Variants in USP54 observed in about 807,000 individuals in gnomAD.
USP54 encodes ubiquitin carboxyl-terminal hydrolase 54.
USP54 carries 87 observed loss-of-function variants against 170.5 expected under a neutral mutation model. That is an observed-to-expected ratio of 0.51 (90% confidence interval 0.43 to 0.61). The LOEUF (loss-of-function observed/expected upper bound fraction) is 0.61. Ranked by LOEUF, USP54 falls within the 20% of genes least tolerant of loss-of-function variation. The pLI is 0.00. For synonymous variants in USP54, 655 were observed against 742.8 expected, an observed-to-expected ratio of 0.88 and a Z score of 1.92; for missense variants, 1,786 against 2,047.8, an observed-to-expected ratio of 0.87 and a Z score of 2.47.
Position 73,530,849 on chromosome 10 carries a change from G to C in USP54, c.1316-14C>G, listed in dbSNP as rs774491608. 2 of 1,613,612 alleles carry C rather than the reference G, an allele frequency of 1.2e-6. No homozygotes were observed. On this transcript the variant is annotated splice_polypyrimidine_tract_variant and intron_variant, in intron 12 of 23. Transcript: ENST00000687698. ...CAGTCAGGTGTCCTGAAAAAACAAG[G>C]AAATTGGGGTAAGCTGGTATCTGAG...
At position 73,534,719 on chromosome 10, in the gene USP54, C is replaced by A; in HGVS notation, c.1196G>T (p.Ser399Ile). 2 of 1,614,138 alleles carry A rather than the reference C, an allele frequency of 1.2e-6. No individual in the cohort carries two copies. The highest frequency in any genetic ancestry group is 2.2e-5 in the South Asian group (2 of 91,084). The change falls in exon 12 of 24, where the codon AGC (serine) becomes ATC (isoleucine). Residue 399 changes from serine (S) to isoleucine (I), a missense_variant. Around this residue, in one of 3 missense-constraint regions of USP54, gnomAD observed 1,418 missense variants for 1,569.0 expected, o/e 0.90. Transcript: ENST00000687698. ...SDTRTDSSTE[S>I]YPYKHSHHES... ...ATGGTGGGAATGTTTGTAGGGATAGCTCTCCGTTGAGGAATCTGTTCGAGT... is the reference window on the plus strand; with the variant it reads ...ATGGTGGGAATGTTTGTAGGGATAGATCTCCGTTGAGGAATCTGTTCGAGT...
intron 12 of USP54, among the ~76,000 whole-genome samples, chr10:73,532,556 A>T (rs2064251750): frequency 1.3e-5 from 2 of 152,208 alleles, no homozygotes; most frequent in Non-Finnish European, 2.9e-5. Flanking sequence ...AAATATGCTT[A>T]GTTTATCCTG....
chr10:73,545,678 G>A lies in USP54; in HGVS notation c.241-6C>T. On this transcript the variant is annotated splice_region_variant and splice_polypyrimidine_tract_variant and intron_variant, in intron 4 of 23. Coordinates refer to ENST00000687698, the MANE Select transcript of USP54 (RefSeq NM_001391956.1). ...TGAAACTGGTTAAAGATTCCCTATAGGGAAGAGGTTAGACAAGAGAAAAAG... is the reference window on the plus strand; with the variant it reads ...TGAAACTGGTTAAAGATTCCCTATAAGGAAGAGGTTAGACAAGAGAAAAAG... 6.2e-7 allele frequency: 1 copy of A among 1,613,846 alleles called. No homozygotes were observed. Among genetic ancestry groups the A allele is most frequent in the Non-Finnish European group, 8.5e-7 (1 of 1,179,810 alleles).
In USP54 at chr10:73,529,826, C is replaced by G; in HGVS notation, c.1914G>C (p.Trp638Cys). 1 of 1,608,566 alleles carries G rather than the reference C, an allele frequency of 6.2e-7. No homozygotes were observed. Among genetic ancestry groups the G allele is most frequent in the Non-Finnish European group, 8.5e-7 (1 of 1,176,986 alleles). Residue 638 changes from tryptophan (W) to cysteine (C), a missense_variant, in exon 15 of 24, where the codon TGG becomes TGC. Coordinates refer to ENST00000687698, the MANE Select transcript of USP54 (RefSeq NM_001391956.1). ...GGTGAGAGCCTGGCCGTGCTGGGCC[C>G]CAGCGCTTGTACTGGGGGCTTGGTC... ...FGGPSPQYKRWGPARPGSHLL... is the reference protein window; with the variant it reads ...FGGPSPQYKRCGPARPGSHLL...
At position 73,526,693 on chromosome 10, in the gene USP54, G is replaced by A. The variant is rs2062926669; in HGVS notation, c.2148C>T (p.Asp716=). 1.2e-6 allele frequency: 2 copies of A among 1,614,204 alleles called. No individual in the cohort carries two copies. Among genetic ancestry groups the A allele is most frequent in the East Asian group, 2.2e-5 (1 of 44,888 alleles). Residue 716 remains aspartate (D), a synonymous_variant, in exon 16 of 24, where the codon GAC becomes GAT. Coordinates refer to ENST00000687698, the MANE Select transcript of USP54 (RefSeq NM_001391956.1). ...TCCAGCCACCCATGGATGCTGTGGAGTCTACCTCCAGGATGCTACTGCTGT... is the reference window on the plus strand; with the variant it reads ...TCCAGCCACCCATGGATGCTGTGGAATCTACCTCCAGGATGCTACTGCTGT... ...KSHSSSILEV[D]STASMGGWTK...
upstream of USP54, among the ~76,000 whole-genome samples, chr10:73,592,840 C>G (rs1322124797): frequency 6.6e-6 from 1 of 152,206 alleles, no homozygotes; most frequent in African/African-American, 2.4e-5. Context: ...ATTGTAATCT[C>G]TCCAGAGGCC....
intron 4 of USP54, among the ~76,000 whole-genome samples, chr10:73,557,469 G>C (rs1322485187): frequency 6.7e-6 from 1 of 148,174 alleles, no homozygotes; most frequent in Non-Finnish European, 1.5e-5. Flanking sequence ...TATAGGTGCC[G>C]CCCACCACAC....
rs1248143548 is a variant in USP54, at chr10:73,575,885, C to T, written c.-105G>A. The T allele has an allele frequency of 1.5e-5, 6 of 409,178 alleles. No individual in the cohort carries two copies. The highest frequency in any genetic ancestry group is 2.1e-5 in the Non-Finnish European group (5 of 233,332). The allele number at this position is 409,178 out of a possible 1,614,324, so 25.3% of individuals were successfully genotyped here. ...CCCTCCCTCACTTGTTCCAAACAAT[C>T]TCCAAAATGTAACATGGCACAGGAC... On this transcript the variant is annotated 5_prime_UTR_variant, in exon 2 of 24. Transcript: ENST00000687698.
chr10:73,552,976 G>A (rs2069930576), intron 4 of USP54, among the ~76,000 whole-genome samples: 1 of 152,138 alleles, frequency 6.6e-6, no homozygotes, highest in Non-Finnish European at 1.5e-5. Flanking sequence ...TCTACCTTGA[G>A]CTACTTCCTC....
At chr10:73,504,755 C>A (rs1333375516) in intron 22 of USP54, 95 bp downstream of exon 22, 1 of 1,545,894 alleles carries the variant, frequency 6.5e-7, no homozygotes, top group East Asian at 2.3e-5. Context: ...CCTCACATTA[C>A]AACCTTCACT....
chr10:73,560,749 A>C (rs2072726736), intron 4 of USP54, among the ~76,000 whole-genome samples: 3 of 151,674 alleles, frequency 2.0e-5, no homozygotes, highest in Admixed American at 1.3e-4. Context: ...AGAGTGAGAA[A>C]GGTCATAAAA....
intron 15 of USP54, among the ~76,000 whole-genome samples, chr10:73,528,804 T>C (rs2063461921): frequency 6.6e-6 from 1 of 152,170 alleles, no homozygotes; most frequent in African/African-American, 2.4e-5. Flanking sequence ...TTTAATACAT[T>C]TTTTTACTGT....
chr10:73,573,299 AAG>A (rs1341327556), intron 3 of USP54, among the ~76,000 whole-genome samples: 1 of 152,170 alleles, frequency 6.6e-6, no homozygotes, highest in Non-Finnish European at 1.5e-5. Context: ...CTCCAAAAAA[AAG>A]AGAAAGAAAT....
chr10:73,570,220 A>AACT (rs767997109), intron 4 of USP54, among the ~76,000 whole-genome samples: 11 of 152,082 alleles, frequency 7.2e-5, no homozygotes, highest in Non-Finnish European at 1.2e-4. Flanking sequence ...ACTGTAGGGA[A>AACT]ACTACATGTT....
intron 1 of USP54, among the ~76,000 whole-genome samples, chr10:73,621,425 C>A (rs1478731179): frequency 1.3e-5 from 2 of 150,314 alleles, no homozygotes; most frequent in Non-Finnish European, 2.9e-5. Flanking sequence ...TATAATGAAA[C>A]CCTGTCTCTA....
At position 73,575,663 on chromosome 10, in the gene USP54, G is replaced by T; in HGVS notation, c.-5C>A. On this transcript the variant is annotated 5_prime_UTR_variant, in exon 3 of 24. Transcript: ENST00000687698. ...ATAATTTCTCTTCCAAGACATTATT[G>T]TTCACATTTAGCCTGAAAAAAAAAT... 6.3e-7 allele frequency: 1 copy of T among 1,593,108 alleles called. No homozygotes were observed. Among genetic ancestry groups the T allele is most frequent in the South Asian group, 1.2e-5 (1 of 86,206 alleles).
chr10:73,555,720 A>C (rs1339536556), intron 4 of USP54, among the ~76,000 whole-genome samples: 1 of 152,250 alleles, frequency 6.6e-6, no homozygotes, highest in African/African-American at 2.4e-5. Flanking sequence ...AATTTTGAGA[A>C]TACATAACCA....
At chr10:73,591,743 C>G (rs1402519842), upstream of USP54, among the ~76,000 whole-genome samples, 2 of 151,970 alleles carry the variant, frequency 1.3e-5, no homozygotes, top group Non-Finnish European at 2.9e-5. Flanking sequence ...GCCAGTCCCC[C>G]ACAAAAAAAT....
At chr10:73,561,932 T>G (rs1438222683) in intron 4 of USP54, among the ~76,000 whole-genome samples, 1 of 151,582 alleles carries the variant, frequency 6.6e-6, no homozygotes, top group African/African-American at 2.4e-5. Flanking sequence ...ACGGGAAGCA[T>G]AAAAAGAAAT....
Sources: allele counts gnomAD v4.1 joint callset (sites outside exome capture counted in the v4.1 genomes callset), GRCh38; gene constraint gnomAD v4.1.1; regional missense constraint gnomAD v4.1.1; transcripts MANE v1.5; gene names NCBI Gene and HGNC (gene_info 2026-07-23, HGNC 2026-07-21).